Variants in GAD1 observed in about 807,000 individuals in gnomAD.
GAD1 encodes glutamate decarboxylase 1.
GAD1 carries 35 observed loss-of-function variants against 75.2 expected under a neutral mutation model. The observed-to-expected ratio is 0.47, with a 90% CI of 0.36 to 0.62. The LOEUF (loss-of-function observed/expected upper bound fraction) is 0.62, where lower values mean the gene tolerates loss of function less well. GAD1 is among the 20% of genes least tolerant of loss of function. The pLI, the probability that GAD1 is intolerant of heterozygous loss-of-function variation, is 0.00. For missense variants in GAD1, 490 were observed against 758.5 expected (o/e 0.65, Z 4.16); for synonymous variants, 257 against 271.9 (o/e 0.95, Z 0.54).
chr2:170,847,647 C>G lies in GAD1; in HGVS notation c.1003-29C>G, dbSNP rs376554806. 2.9e-6 allele frequency: 4 copies of G among 1,378,412 alleles called. No homozygotes were observed. The Admixed American group carries it at 5.0e-5, about 17-fold the overall frequency. The allele number at this position is 1,378,412 out of a possible 1,614,324, so 85.4% of individuals were successfully genotyped here. A position where few individuals can be genotyped will look rare whatever the true frequency, so the allele number is the denominator to read the frequency against. ...GCAAATGAGAAAGGTTAAAAATACT[C>G]ATCAGCCTATATCTGTCTTACCTTG... On this transcript the variant is annotated intron_variant, in intron 10 of 16. Coordinates refer to ENST00000358196, the MANE Select transcript of GAD1 (RefSeq NM_000817.3).
At chr2:170,832,660 GCGCGCACACACA>G (rs369738796) in intron 5 of GAD1, among the ~76,000 whole-genome samples, 28,191 of 79,398 alleles carry the variant, frequency 0.36, 3,219 homozygotes, top group South Asian at 0.49. Context: ...ATGCGCGCGC[GCGCGCACACACA>G]CACACACACA....
intron 1 of GAD1, 185 bp downstream of exon 1, chr2:170,817,233 C>CCT (rs1236507325): frequency 8.9e-6 from 1 of 112,812 alleles, no homozygotes; most frequent in Non-Finnish European, 2.2e-5. Flanking sequence ...GGACCCCCCC[C>CCT]CCCCCGCCTC....
chr2:170,859,608 C>G, intron 16 of GAD1, 101 bp from the exon 17 acceptor site: 1 of 1,156,896 alleles, frequency 8.6e-7, no homozygotes, highest in Non-Finnish European at 1.3e-6. Flanking sequence ...GCTTTTATGT[C>G]AATGTAAACA....
chr2:170,813,324 T>C (rs1430413945), upstream of GAD1: 1 of 152,142 alleles, frequency 6.6e-6, no homozygotes, highest in Admixed American at 6.5e-5. Context: ...ATCTTTAAAG[T>C]ACAAAAACAG....
At chr2:170,816,669 C>CT (rs910687945), upstream of GAD1, 63 of 149,696 alleles carry the variant, frequency 4.2e-4, no homozygotes, top group South Asian at 6.4e-4. Flanking sequence ...CTCATAAGAC[C>CT]TTTTTTTTTT....
At chr2:170,821,972 A>G (rs1236277042) in intron 2 of GAD1, 115 bp from the exon 3 acceptor site, 5 of 897,282 alleles carry the variant, frequency 5.6e-6, no homozygotes, top group Non-Finnish European at 5.3e-6. Context: ...AGTAGCTTTT[A>G]ATGAAGAGCT....
rs369033830 is a variant in GAD1, at chr2:170,847,738, G to A, written c.1065G>A (p.Pro355=). ...AGTTVYGAFD[P]IQEIADICEK... ...CGACTGTTTATGGAGCTTTTGATCC[G>A]ATACAAGAGATTGCAGATATATGTG... The change falls in exon 11 of 17, where the codon CCG becomes CCA. Residue 355 remains proline, a synonymous_variant. Transcript: ENST00000358196. 1.5e-5 allele frequency: 24 copies of A among 1,614,006 alleles called. No homozygotes were observed. The highest frequency in any genetic ancestry group is 4.5e-5 in the East Asian group (2 of 44,906).
At chr2:170,836,748 T>G in intron 5 of GAD1, 45 bp from the exon 6 acceptor site, 3 of 1,434,662 alleles carry the variant, frequency 2.1e-6, no homozygotes, top group Non-Finnish European at 2.9e-6. Flanking sequence ...CAAGATAGGT[T>G]GAGAAATCTG....
intron 6 of GAD1, 133 bp from the exon 7 acceptor site, chr2:170,843,912 G>T: frequency 1.5e-6 from 1 of 670,376 alleles, no homozygotes; most frequent in African/African-American, 1.8e-5. Context: ...TCCAGGAAAT[G>T]AATCATGTTA....
intron 2 of GAD1, among the ~76,000 whole-genome samples, chr2:170,820,535 T>C (rs1559266865): frequency 6.6e-6 from 1 of 152,228 alleles, no homozygotes. Context: ...TCCACTTCTT[T>C]GCCCCTTTAG....
chr2:170,857,214 A>T (rs1040754744), intron 15 of GAD1, 89 bp downstream of exon 15: 6 of 988,818 alleles, frequency 6.1e-6, no homozygotes, highest in Non-Finnish European at 9.6e-6. Flanking sequence ...TGGGAAAATC[A>T]ATCCCATGTT....
Position 170,860,115 on chromosome 2 carries a change from CCTCT to C in GAD1, c.*238_*241del, listed in dbSNP as rs1030511275. 3.8e-6 allele frequency: 2 copies of C among 522,964 alleles called. No homozygotes were observed. The highest frequency in any genetic ancestry group is 3.5e-6 in the Non-Finnish European group (1 of 288,854). The allele number at this position is 522,964 out of a possible 1,614,324, so 32.4% of individuals were successfully genotyped here. ...GAGTATATATGTACAGTTATACATA[CCTCT>C]CTCTATATATACATGTATAGTGAGT... On this transcript the variant is annotated 3_prime_UTR_variant, in exon 17 of 17. Transcript: ENST00000358196.
In GAD1 at chr2:170,857,000, C is replaced by T; in HGVS notation, c.1414-18C>T. On this transcript the variant is annotated intron_variant, in intron 14 of 16. Transcript: ENST00000358196. ...CAGGGAAATGCAACCACAAACATGA[C>T]TTTTCTCTTTAAAACAGGGCACAGT... The T allele has an allele frequency of 6.2e-7, 1 of 1,604,834 alleles. No individual in the cohort carries two copies. Among genetic ancestry groups the T allele is most frequent in the Non-Finnish European group, 8.5e-7 (1 of 1,171,798 alleles).
At chr2:170,830,022 G>A (rs1168980182) in intron 4 of GAD1, 1 of 282,352 alleles carries the variant, frequency 3.5e-6, no homozygotes, top group African/African-American at 2.3e-5. Context: ...TGCATGCTGA[G>A]CCTCATAACC....
intron 5 of GAD1, among the ~76,000 whole-genome samples, chr2:170,832,523 A>G (rs1702256652): frequency 6.6e-6 from 1 of 152,238 alleles, no homozygotes; most frequent in East Asian, 1.9e-4. Context: ...ATAAGGTCAC[A>G]TTCACAGGAA....
At chr2:170,815,188 G>A (rs893171436), upstream of GAD1, among the ~76,000 whole-genome samples, 1 of 152,164 alleles carries the variant, frequency 6.6e-6, no homozygotes, top group Non-Finnish European at 1.5e-5. Context: ...CAGAGCAGCT[G>A]CCGGTTGAGT....
In GAD1 at chr2:170,852,798, T is replaced by A; in HGVS notation, c.1263+6T>A. 1.2e-6 allele frequency: 2 copies of A among 1,613,438 alleles called. No homozygotes were observed. The highest frequency in any genetic ancestry group is 1.3e-5 in the African/African-American group (1 of 75,012). ...CCATTCTCGTCAAGGAAAAGGTCTG[T>A]ACTCCCTCCAAAGCTACACTGGGGC... On this transcript the variant is annotated splice_donor_region_variant and intron_variant, in intron 13 of 16. Transcript: ENST00000358196.
At chr2:170,819,039 A>G (rs1157921876) in intron 2 of GAD1, among the ~76,000 whole-genome samples, 1 of 152,160 alleles carries the variant, frequency 6.6e-6, no homozygotes, top group African/African-American at 2.4e-5. Flanking sequence ...GAGCCCCAGC[A>G]GGAATAAGAG....
intron 6 of GAD1, among the ~76,000 whole-genome samples, chr2:170,841,125 C>A (rs1449589840): frequency 6.6e-6 from 1 of 152,196 alleles, no homozygotes; most frequent in Non-Finnish European, 1.5e-5. Context: ...CAACCCAGAG[C>A]TTCTGGCAGG....
Sources: allele counts gnomAD v4.1 joint callset (sites outside exome capture counted in the v4.1 genomes callset), GRCh38; gene constraint gnomAD v4.1.1; transcripts MANE v1.5; gene names NCBI Gene and HGNC (gene_info 2026-07-23, HGNC 2026-07-21).